GTF2E2: variants seen among roughly 807,000 people sequenced by gnomAD.
The protein encoded by GTF2E2 is transcription initiation factor IIE subunit beta.
Under a neutral mutation model 40.5 loss-of-function variants are expected in GTF2E2, and 21 were observed. That is an observed-to-expected ratio of 0.52 (90% confidence interval 0.37 to 0.75). GTF2E2 has a LOEUF of 0.75. Among genes scored for constraint, GTF2E2 ranks in the 30% least tolerant of loss-of-function variants. The probability of loss-of-function intolerance (pLI) is 0.00; values close to 1 mark genes in which losing one functional copy is unlikely to be tolerated. For missense variants in GTF2E2, 298 were observed against 338.4 expected (o/e 0.88, Z 0.94); for synonymous variants, 117 against 121.6 (o/e 0.96, Z 0.25).
At chr8:30,604,898 G>C (rs1317459223) in intron 6 of GTF2E2, among the ~76,000 whole-genome samples, 1 of 152,100 alleles carries the variant, frequency 6.6e-6, no homozygotes, top group African/African-American at 2.4e-5. Context: ...AGGAAGTATA[G>C]ATAAAAGATA....
chr8:30,609,750 C>T (rs1288727902), intron 5 of GTF2E2, among the ~76,000 whole-genome samples: 1 of 152,112 alleles, frequency 6.6e-6, no homozygotes, highest in Admixed American at 6.5e-5. Flanking sequence ...GGAGGTGGGG[C>T]CTGGTGGGCG....
intron 6 of GTF2E2, among the ~76,000 whole-genome samples, chr8:30,594,854 T>C (rs1431648782): frequency 1.4e-5 from 2 of 142,460 alleles, no homozygotes; most frequent in African/African-American, 5.3e-5. Flanking sequence ...CAAAACTTCA[T>C]CTCAAAAAAA....
intron 2 of GTF2E2, among the ~76,000 whole-genome samples, chr8:30,652,530 T>C (rs570530698): frequency 1.4e-4 from 21 of 147,526 alleles, no homozygotes; most frequent in Non-Finnish European, 2.5e-4. Context: ...ACTTCACAAC[T>C]ATAGAAATAG....
intron 2 of GTF2E2, among the ~76,000 whole-genome samples, chr8:30,651,769 C>T (rs1802286401): frequency 6.6e-6 from 1 of 152,228 alleles, no homozygotes; most frequent in African/African-American, 2.4e-5. Flanking sequence ...TAAAACAATT[C>T]TTGAAATAAA....
chr8:30,611,306 A>G (rs903694497), intron 5 of GTF2E2, among the ~76,000 whole-genome samples: 2 of 152,352 alleles, frequency 1.3e-5, no homozygotes, highest in African/African-American at 4.8e-5. Flanking sequence ...ACAGAAATGT[A>G]TTAGATATAT....
intron 3 of GTF2E2, among the ~76,000 whole-genome samples, chr8:30,627,686 G>A (rs1801329348): frequency 6.6e-6 from 1 of 152,116 alleles, no homozygotes; most frequent in African/African-American, 2.4e-5. Context: ...CTTGAATGAT[G>A]TTTAAAAATG....
intron 3 of GTF2E2, among the ~76,000 whole-genome samples, chr8:30,629,424 C>T (rs533036612): frequency 4.9e-4 from 75 of 152,180 alleles, no homozygotes; most frequent in African/African-American, 1.8e-3. Flanking sequence ...CTGTTGCTCA[C>T]GCCTGTAATC....
At chr8:30,613,924 C>T (rs575640630) in intron 4 of GTF2E2, among the ~76,000 whole-genome samples, 2 of 152,276 alleles carry the variant, frequency 1.3e-5, no homozygotes, top group South Asian at 4.1e-4. Context: ...ACACAGCATT[C>T]GCGACTTTTT....
At chr8:30,635,401 A>C (rs1323583044) in intron 2 of GTF2E2, among the ~76,000 whole-genome samples, 2 of 152,008 alleles carry the variant, frequency 1.3e-5, no homozygotes, top group Non-Finnish European at 2.9e-5. Flanking sequence ...ATATTTTTTG[A>C]GACAGGGTCG....
intron 4 of GTF2E2, 53 bp from the exon 5 acceptor site, chr8:30,612,534 T>C (rs908069477): frequency 3.0e-5 from 32 of 1,067,514 alleles, no homozygotes; most frequent in African/African-American, 4.8e-5. Flanking sequence ...TAAATATATA[T>C]ATATATTTTT....
intron 3 of GTF2E2, among the ~76,000 whole-genome samples, chr8:30,617,592 A>G (rs932946517): frequency 2.0e-5 from 3 of 152,098 alleles, no homozygotes; most frequent in Non-Finnish European, 4.4e-5. Flanking sequence ...AAAATTGCAT[A>G]TATACAAAAA....
At position 30,596,661 on chromosome 8, in the gene GTF2E2, GTGT is replaced by G. The variant is rs1829015494; in HGVS notation, c.643+10393_643+10395del. ...CTTAAAAGTGTCCTGTCTCAATAGT[GTGT>G]TGTTCTTCCTTCCTTCTTTTTATGC... On this transcript the variant is annotated intron_variant, in intron 6 of 7. Coordinates refer to ENST00000355904, the MANE Select transcript of GTF2E2 (RefSeq NM_002095.6). Among the ~76,000 whole-genome samples the G allele has an allele frequency of 2.6e-5, 4 of 151,552 alleles. No homozygotes were observed. The South Asian group carries it at 8.5e-4, about 32-fold the overall frequency.
intron 1 of GTF2E2, among the ~76,000 whole-genome samples, chr8:30,656,175 A>G (rs1414138453): frequency 2.6e-5 from 4 of 152,202 alleles, no homozygotes; most frequent in African/African-American, 7.2e-5. Context: ...ATTCAATTTC[A>G]TAAGTGAAAT....
chr8:30,587,436 A>G (rs73574178), intron 6 of GTF2E2, among the ~76,000 whole-genome samples: 1,677 of 148,704 alleles, frequency 0.011, 34 homozygotes, highest in African/African-American at 0.039. Flanking sequence ...AAAATTATAT[A>G]TATTTTCCAT....
chr8:30,583,506 A>C (rs746931657), intron 6 of GTF2E2, among the ~76,000 whole-genome samples: 2 of 152,016 alleles, frequency 1.3e-5, no homozygotes, highest in Admixed American at 6.5e-5. Flanking sequence ...CAGCCTCCCA[A>C]GTGGCTGGGA....
At chr8:30,583,514 G>C (rs1013685672) in intron 6 of GTF2E2, among the ~76,000 whole-genome samples, 9 of 152,144 alleles carry the variant, frequency 5.9e-5, no homozygotes, top group Middle Eastern at 3.4e-3. Context: ...CAAGTGGCTG[G>C]GACTACAGGC....
In GTF2E2 at chr8:30,642,801, T is replaced by C. The variant is rs530201713; in HGVS notation, c.167-7678A>G. 4.6e-5 allele frequency among the ~76,000 whole-genome samples: 7 copies of C among 152,382 alleles called. No homozygotes were observed. The South Asian group carries it at 6.2e-4, about 14-fold the overall frequency. ...AACTATATTAATTTAACCAGAAGAA[T>C]AGCTCATTAATGGATACAAGTTAAA... On this transcript the variant is annotated intron_variant, in intron 2 of 7. Transcript: ENST00000355904.
chr8:30,649,136 G>A (rs944470282), intron 2 of GTF2E2, among the ~76,000 whole-genome samples: 1 of 151,882 alleles, frequency 6.6e-6, no homozygotes. Context: ...TCATTGGAAC[G>A]ACATATAAAC....
At chr8:30,582,636 C>T (rs1303713122) in intron 6 of GTF2E2, among the ~76,000 whole-genome samples, 2 of 152,174 alleles carry the variant, frequency 1.3e-5, no homozygotes, top group Non-Finnish European at 2.9e-5. Flanking sequence ...GTCTTTGTTT[C>T]CCCACTGGTC....
Sources: gnomAD v4.1 joint callset for allele counts (sites outside exome capture counted in the v4.1 genomes callset) on GRCh38, gnomAD v4.1.1 for gene constraint, MANE v1.5 for transcripts, NCBI Gene and HGNC (gene_info 2026-07-23, HGNC 2026-07-21) for gene names.